Variants in EPG5 observed in about 807,000 individuals in gnomAD.
EPG5 encodes ectopic P granules protein 5 homolog.
In EPG5, 159 loss-of-function variants were observed where a neutral mutation model predicts 302.7. The ratio of observed to expected loss-of-function variants is 0.53; its 90% CI spans 0.46 to 0.60. EPG5 has a LOEUF of 0.60. Among genes scored for constraint, EPG5 ranks in the 20% least tolerant of loss-of-function variants. The pLI, the probability that EPG5 is intolerant of heterozygous loss-of-function variation, is 0.00. For missense variants in EPG5, 2,896 were observed against 3,092.4 expected, an observed-to-expected ratio of 0.94 and a Z score of 1.51; for synonymous variants, 1,158 against 1,136.8, an observed-to-expected ratio of 1.02 and a Z score of -0.37.
chr18:45,844,707 T>A (rs993369858), downstream of EPG5, among the ~76,000 whole-genome samples: 1 of 152,146 alleles, frequency 6.6e-6, no homozygotes, highest in Non-Finnish European at 1.5e-5. Flanking sequence ...TGGCTCCTAA[T>A]TAACCTTGGG....
At chr18:45,928,361 G>A (rs1903485718) in intron 13 of EPG5, among the ~76,000 whole-genome samples, 1 of 152,188 alleles carries the variant, frequency 6.6e-6, no homozygotes, top group African/African-American at 2.4e-5. Context: ...TGTATGGTAT[G>A]TGAATTACAT....
intron 23 of EPG5, 91 bp from the exon 24 acceptor site, chr18:45,908,172 A>G (rs1599546693): frequency 1.9e-6 from 2 of 1,033,062 alleles, no homozygotes; most frequent in Non-Finnish European, 2.7e-6. Context: ...GCACCCCTAC[A>G]TAAGAGTAAA....
chr18:45,864,845 T>A (rs2048711808), intron 39 of EPG5, among the ~76,000 whole-genome samples: 2 of 152,250 alleles, frequency 1.3e-5, no homozygotes, highest in Non-Finnish European at 1.5e-5. Flanking sequence ...AGATATCTCT[T>A]TTCCTGCATA....
chr18:45,907,746 T>C, intron 24 of EPG5: 1 of 427,222 alleles, frequency 2.3e-6, no homozygotes, highest in South Asian at 5.5e-5. Flanking sequence ...GCTTCAAGCC[T>C]TCAGGTAGAA....
Position 45,860,466 on chromosome 18 carries a change from C to T in EPG5, c.6767-120G>A, listed in dbSNP as rs2048611316. ...CAGGCAGATTTTACAGTGCTAGTAG[C>T]TGACTGCAAGGGACTGGAAGGAAGG... On this transcript the variant is annotated intron_variant, in intron 39 of 43. Coordinates refer to ENST00000282041, the MANE Select transcript of EPG5 (RefSeq NM_020964.3). 2.7e-5 allele frequency: 35 copies of T among 1,282,120 alleles called. No homozygotes were observed. In the South Asian group the frequency reaches 4.5e-4, roughly 16 times the overall value. The allele number at this position is 1,282,120 out of a possible 1,614,324, so 79.4% of individuals were successfully genotyped here.
intron 27 of EPG5, chr18:45,890,311 G>A (rs1192062742): frequency 1.9e-5 from 3 of 159,344 alleles, no homozygotes; most frequent in East Asian, 1.8e-4. Flanking sequence ...CTCAGGCTGC[G>A]TACACATGTG....
At chr18:45,877,215 A>G (rs1462812877) in intron 34 of EPG5, among the ~76,000 whole-genome samples, 1 of 152,102 alleles carries the variant, frequency 6.6e-6, no homozygotes, top group Non-Finnish European at 1.5e-5. Flanking sequence ...TGGCCAACAT[A>G]GCAAAACACT....
rs1247099629 is a variant in EPG5, at chr18:45,954,986, G to A, written c.416C>T (p.Thr139Ile). ...TACCGACATATTTTCCTCTACCTCTGTGAAGTTCTTGGGGGTTTCTACTTT... is the reference window on the plus strand; with the variant it reads ...TACCGACATATTTTCCTCTACCTCTATGAAGTTCTTGGGGGTTTCTACTTT... The part of the protein sequence containing the change: ...GTKVETPKNF[T>I]EVEENMSVQG... Residue 139 changes from threonine to isoleucine, a missense_variant, in exon 2 of 44, where the codon ACA becomes ATA. By Grantham distance (89) the Thr-to-Ile change is moderately conservative (BLOSUM62 -1). Transcript: ENST00000282041. 16 of 1,614,048 alleles carry A rather than the reference G, an allele frequency of 9.9e-6. No homozygotes were observed. The highest frequency in any genetic ancestry group is 3.3e-5 in the Admixed American group (2 of 59,988).
Position 45,912,427 on chromosome 18 carries a change from G to C in EPG5, c.3846C>G (p.Ile1282Met). ...TCAGCAGCCTCTGGAGGGATGGCAC[G>C]ATGGGGAGCTTCAGCTGGGTCTGGG... ...KKAQTQLKLP[I>M]VPSLQRLLIY... is the part of the protein sequence containing the mutation. Residue 1282 changes from isoleucine (I) to methionine (M), a missense_variant, in exon 22 of 44, where the codon ATC (isoleucine) becomes ATG (methionine). By Grantham distance (10) the Ile-to-Met change is conservative. Transcript: ENST00000282041. 6.2e-7 allele frequency: 1 copy of C among 1,603,678 alleles called. No individual in the cohort carries two copies. Among genetic ancestry groups the C allele is most frequent in the Non-Finnish European group, 8.5e-7 (1 of 1,176,804 alleles).
chr18:45,931,126 C>A (rs553786256), intron 11 of EPG5, among the ~76,000 whole-genome samples: 1 of 152,198 alleles, frequency 6.6e-6, no homozygotes, highest in African/African-American at 2.4e-5. Context: ...TCACTGGTGA[C>A]GTGCTTAGTT....
At position 45,910,474 on chromosome 18, in the gene EPG5, A is replaced by G. The variant is rs187254747; in HGVS notation, c.4205+47T>C. On this transcript the variant is annotated intron_variant, in intron 23 of 43. Coordinates refer to ENST00000282041, the MANE Select transcript of EPG5 (RefSeq NM_020964.3). Reference sequence around the variant, plus strand: ...ACACAGTTAACTGCTCCAGCATAGTACCTGTGCTGCAAACAACAATGTAGG... The same window carrying G: ...ACACAGTTAACTGCTCCAGCATAGTGCCTGTGCTGCAAACAACAATGTAGG... The G allele has an allele frequency of 1.2e-5, 16 of 1,385,964 alleles. No homozygotes were observed. In the African/African-American group the frequency reaches 2.0e-4, roughly 17 times the overall value. The allele number at this position is 1,385,964 out of a possible 1,614,324, so 85.9% of individuals were successfully genotyped here.
chr18:45,914,375 T>C (rs2049980160), intron 20 of EPG5, among the ~76,000 whole-genome samples: 1 of 152,138 alleles, frequency 6.6e-6, no homozygotes, highest in Non-Finnish European at 1.5e-5. Context: ...TCCAGCTCAA[T>C]CCATGAGAGG....
At chr18:45,806,283 A>G in the EPG5 span, among the ~76,000 whole-genome samples, 2 of 152,240 alleles carry the variant, frequency 1.3e-5, no homozygotes, top group African/African-American at 2.4e-5. Context: ...ATATATTCAG[A>G]TAACAGAAAA....
chr18:45,823,429 T>C, the EPG5 span, among the ~76,000 whole-genome samples: 1 of 152,096 alleles, frequency 6.6e-6, no homozygotes, highest in Non-Finnish European at 1.5e-5. Flanking sequence ...GTCCCTAAAT[T>C]ACCTCTCTCA....
chr18:45,835,132 T>C, the EPG5 span, among the ~76,000 whole-genome samples: 17 of 151,734 alleles, frequency 1.1e-4, no homozygotes, highest in Middle Eastern at 3.4e-3. Flanking sequence ...AAAGAACTTG[T>C]AGTTTTGAGG....
At position 45,955,374 on chromosome 18, in the gene EPG5, A is replaced by C. The variant is rs774134068; in HGVS notation, c.64-36T>G. 6 of 1,367,018 alleles carry C rather than the reference A, an allele frequency of 4.4e-6. No homozygotes were observed. In the Admixed American group the frequency reaches 8.0e-5, roughly 18 times the overall value. The allele number at this position is 1,367,018 out of a possible 1,614,324, so 84.7% of individuals were successfully genotyped here. ...CATACATAATGTGAAATAATTTATC[A>C]CAATAATTAATGCTTTCAGCAGGAG... On this transcript the variant is annotated intron_variant, in intron 1 of 43. Coordinates refer to ENST00000282041, the MANE Select transcript of EPG5 (RefSeq NM_020964.3).
intron 12 of EPG5, 56 bp from the exon 13 acceptor site, chr18:45,929,065 A>C (rs2050342384): frequency 6.5e-7 from 1 of 1,530,698 alleles, no homozygotes. Context: ...TAGCAGTCAA[A>C]ACACACTTAT....
chr18:45,941,640 G>A (rs1219470454), intron 9 of EPG5, among the ~76,000 whole-genome samples: 1 of 152,152 alleles, frequency 6.6e-6, no homozygotes, highest in Non-Finnish European at 1.5e-5. Flanking sequence ...AAACAGTAAT[G>A]ATACCAACGT....
At chr18:45,865,559 C>T (rs970551410) in intron 39 of EPG5, 56 bp downstream of exon 39, 88 of 1,579,540 alleles carry the variant, frequency 5.6e-5, no homozygotes, top group South Asian at 3.5e-4. Context: ...CAGTGCCTTA[C>T]GCACAGCAGG....
Sources: gnomAD v4.1 joint callset for allele counts (sites outside exome capture counted in the v4.1 genomes callset) on GRCh38, gnomAD v4.1.1 for gene constraint, MANE v1.5 for transcripts, NCBI Gene and HGNC (gene_info 2026-07-23, HGNC 2026-07-21) for gene names.